Variants in NBEAL2 observed in about 807,000 individuals in gnomAD.
NBEAL2 encodes the protein neurobeachin like 2, also known as neurobeachin-like protein 2.
A neutral mutation model predicts 299.8 loss-of-function variants in NBEAL2; 160 were observed. The ratio of observed to expected loss-of-function variants is 0.53; its 90% CI spans 0.47 to 0.61. The LOEUF (loss-of-function observed/expected upper bound fraction) is 0.61, where lower values mean the gene tolerates loss of function less well. Among genes scored for constraint, NBEAL2 ranks in the 20% least tolerant of loss-of-function variants. The pLI, the probability that NBEAL2 is intolerant of heterozygous loss-of-function variation, is 0.00. For missense variants in NBEAL2, 3,112 were observed against 3,649.0 expected (o/e 0.85, Z 3.79); for synonymous variants, 1,493 against 1,542.3 (o/e 0.97, Z 0.75).
At chr3:46,987,397 T>G (rs1425757875) in intron 1 of NBEAL2, among the ~76,000 whole-genome samples, 1 of 152,190 alleles carries the variant, frequency 6.6e-6, no homozygotes, top group Non-Finnish European at 1.5e-5. Flanking sequence ...GAAGGCTGCC[T>G]TTTGGACTCA....
At chr3:47,002,316 G>A (rs377040724) in intron 31 of NBEAL2, 28 bp downstream of exon 31, 4 of 1,593,752 alleles carry the variant, frequency 2.5e-6, no homozygotes, top group Admixed American at 1.7e-5. Context: ...CCCAGGAAGA[G>A]GAGTGGGGGC....
intron 31 of NBEAL2, 32 bp from the exon 32 acceptor site, chr3:47,002,339 C>T (rs781487626): frequency 1.1e-5 from 18 of 1,608,422 alleles, no homozygotes; most frequent in Admixed American, 3.3e-5. Context: ...GGGCCCACAT[C>T]GAGCACTGTT....
rs2037122914 is a variant in NBEAL2 at position 47,002,776 on chromosome 3, C to T, written c.5433C>T (p.Ala1811=). The T allele has an allele frequency of 6.4e-7, 1 of 1,564,482 alleles. No homozygotes were observed. The change falls in exon 33 of 54, where the codon GCC becomes GCT. Residue 1811 remains alanine (A), a synonymous_variant. Coordinates refer to ENST00000450053, the MANE Select transcript of NBEAL2 (RefSeq NM_015175.3). ...GGGGGGCGCTGTGGCGCCAGCTCGC[C>T]AGCCCATGTGGGGCCTGGGCGCTGA... The part of the protein sequence containing the change: ...LHWGALWRQL[A]SPCGAWALRD...
At chr3:46,999,558 T>C in intron 25 of NBEAL2, 72 bp from the exon 26 acceptor site, 2 of 1,590,840 alleles carry the variant, frequency 1.3e-6, no homozygotes, top group Non-Finnish European at 1.7e-6. Context: ...GATAGTGGCA[T>C]AGGGGCCAGG....
rs2035933865 is a variant in NBEAL2, at chr3:46,989,537, G to A, written c.500G>A (p.Ser167Asn). Reference protein sequence around the residue: ...SGEVISSKEKSKYKFPPAALP... With the variant: ...SGEVISSKEKNKYKFPPAALP... ...GAAGTCATCAGCTCCAAGGAGAAGA[G>A]CAAATACAAGTTCCCTCCTGCTGCT... The change falls in exon 6 of 54, where the codon AGC (serine) becomes AAC (asparagine). Residue 167 changes from serine (S) to asparagine (N), a missense_variant. By Grantham distance (46) the Ser-to-Asn change is conservative (BLOSUM62 1). Around this residue, in one of 3 missense-constraint regions of NBEAL2, gnomAD observed 2,243 missense variants for 2,538.1 expected, o/e 0.88. Transcript: ENST00000450053. This position sits in a 1 kb window ranked among gnomAD's most constrained non-coding sequence, Gnocchi z 5.5. The A allele has an allele frequency of 1.3e-6, 2 of 1,597,306 alleles. No individual in the cohort carries two copies. Among genetic ancestry groups the A allele is most frequent in the East Asian group, 2.3e-5 (1 of 44,006 alleles).
chr3:46,986,380 T>A (rs1472907231), intron 1 of NBEAL2, among the ~76,000 whole-genome samples: 1 of 151,944 alleles, frequency 6.6e-6, no homozygotes, highest in African/African-American at 2.4e-5. Context: ...AAAGCCCAAG[T>A]CACACAAGGC....
rs946100525 is a variant in NBEAL2, at chr3:47,004,160, G to A, written c.5965G>A (p.Glu1989Lys). The A allele has an allele frequency of 6.2e-7, 1 of 1,613,762 alleles. No individual in the cohort carries two copies. Among genetic ancestry groups the A allele is most frequent in the Admixed American group, 1.7e-5 (1 of 60,004 alleles). Residue 1989 changes from glutamate to lysine, a missense_variant, in exon 37 of 54, where the codon GAG becomes AAG. Coordinates refer to ENST00000450053, the MANE Select transcript of NBEAL2 (RefSeq NM_015175.3). The surrounding 1 kb of genome is among the most constrained non-coding windows in gnomAD (Gnocchi z 5.0). ...TTTCAACCTGCGCCGTTCAGCACTT[G>A]AGCTCTTCTTTATCGATCAGGCCAA... ...RRFNLRRSALELFFIDQANYF... is the reference protein window; with the variant it reads ...RRFNLRRSALKLFFIDQANYF...
chr3:47,002,701 G>C lies in NBEAL2; in HGVS notation c.5358G>C (p.Thr1786=). The stretch of plus-strand genomic sequence containing the variant: ...CGCGCCTGGAGGGGCTACGCTACAC[G>C]GCAGTGCTGAAGCAGCAGGCAACGC... ...RRARLEGLRY[T]AVLKQQATQH... The change falls in exon 33 of 54, where the codon ACG becomes ACC. Residue 1786 remains threonine (T), a synonymous_variant. Coordinates refer to ENST00000450053, the MANE Select transcript of NBEAL2 (RefSeq NM_015175.3). 3.1e-6 allele frequency: 5 copies of C among 1,602,474 alleles called. No homozygotes were observed. The highest frequency in any genetic ancestry group is 4.2e-6 in the Non-Finnish European group (5 of 1,176,566).
At position 46,996,741 on chromosome 3, in the gene NBEAL2, C is replaced by A. The variant is rs2036532900; in HGVS notation, c.2474-10C>A. The stretch of plus-strand genomic sequence containing the variant: ...CTAGCAAGGTCTGAAGCCCCCTGCC[C>A]ACCTCCCAGGGCCCAATGAGACGGC... On this transcript the variant is annotated splice_polypyrimidine_tract_variant and intron_variant, in intron 16 of 53. Coordinates refer to ENST00000450053, the MANE Select transcript of NBEAL2 (RefSeq NM_015175.3). The A allele has an allele frequency of 6.2e-7, 1 of 1,610,620 alleles. No individual in the cohort carries two copies.
In NBEAL2 at chr3:47,009,348, CG is replaced by C. The variant is rs768610019; in HGVS notation, c.*29del. On this transcript the variant is annotated 3_prime_UTR_variant, in exon 54 of 54. Transcript: ENST00000450053. ...CTGGCCAGTCCGGCTGCTCGGGCCCCGCCCCCGGCAGGCCTGGCCCGGGAGG... is the reference window on the plus strand; with the variant it reads ...CTGGCCAGTCCGGCTGCTCGGGCCCCCCCCCGGCAGGCCTGGCCCGGGAGG... 17 of 1,558,284 alleles carry C rather than the reference CG, an allele frequency of 1.1e-5. No homozygotes were observed. The Admixed American group carries it at 3.2e-4, about 29-fold the overall frequency.
In NBEAL2 at chr3:47,000,595, G is replaced by A. The variant is rs1355606378; in HGVS notation, c.4305+191G>A. Among the ~76,000 whole-genome samples the A allele has an allele frequency of 1.3e-5, 2 of 152,184 alleles. No homozygotes were observed. Among genetic ancestry groups the A allele is most frequent in the Admixed American group, 1.3e-4 (2 of 15,288 alleles). On this transcript the variant is annotated intron_variant, in intron 27 of 53. Transcript: ENST00000450053. The surrounding 1 kb of genome is among the most constrained non-coding windows in gnomAD (Gnocchi z 4.5). Reference sequence around the variant, plus strand: ...GTTCCCAGAGGGCTCCTGGAACAGGGTGAGTCATGATGAGCCACAGTGGGT... The same window carrying A: ...GTTCCCAGAGGGCTCCTGGAACAGGATGAGTCATGATGAGCCACAGTGGGT...
rs377158393 is a variant in NBEAL2, at chr3:47,001,609, G to A, written c.4645-80G>A. Reference sequence around the variant, plus strand: ...GCACAAACCCTACCTGGCCCCCAGCGCAAACTTTACTTTGCTCCCTTTCCA... The same window carrying A: ...GCACAAACCCTACCTGGCCCCCAGCACAAACTTTACTTTGCTCCCTTTCCA... On this transcript the variant is annotated intron_variant, in intron 29 of 53. Transcript: ENST00000450053. The surrounding 1 kb of genome is among the most constrained non-coding windows in gnomAD (Gnocchi z 6.1). 23 of 1,586,020 alleles carry A rather than the reference G, an allele frequency of 1.5e-5. No individual in the cohort carries two copies. Among genetic ancestry groups the A allele is most frequent in the African/African-American group, 2.7e-5 (2 of 74,474 alleles).
At position 47,007,677 on chromosome 3, in the gene NBEAL2, G is replaced by A; in HGVS notation, c.7487G>A (p.Ser2496Asn). The A allele has an allele frequency of 1.9e-6, 3 of 1,609,244 alleles. No individual in the cohort carries two copies. The highest frequency in any genetic ancestry group is 2.2e-5 in the East Asian group (1 of 44,696). ...GCACTACCCCGTGGCAAGCTGTTGA[G>A]CCAGCTCAGCTGCCACCTTGGTATG... ...VTALPRGKLL[S>N]QLSCHLDVVT... The change falls in exon 48 of 54, where the codon AGC becomes AAC. Residue 2496 changes from serine (S) to asparagine (N), a missense_variant. Ser to Asn is a conservative substitution (Grantham distance 46). Around this residue, in one of 3 missense-constraint regions of NBEAL2, gnomAD observed 348 missense variants for 381.4 expected, o/e 0.91. Coordinates refer to ENST00000450053, the MANE Select transcript of NBEAL2 (RefSeq NM_015175.3).
rs932810599 is a variant in NBEAL2 at position 47,009,523 on chromosome 3, C to A, written c.*203C>A. The stretch of plus-strand genomic sequence containing the variant: ...TCCCGCCCCTCGCCGGCTGAGGGGC[C>A]GCCCTGAGGGCCAGCACTGGCGTCT... On this transcript the variant is annotated 3_prime_UTR_variant, in exon 54 of 54. Coordinates refer to ENST00000450053, the MANE Select transcript of NBEAL2 (RefSeq NM_015175.3). The A allele has an allele frequency of 2.0e-5, 12 of 597,254 alleles. No homozygotes were observed. Among genetic ancestry groups the A allele is most frequent in the African/African-American group, 1.9e-4 (10 of 51,550 alleles). The allele number at this position is 597,254 out of a possible 1,614,324, so 37.0% of individuals were successfully genotyped here.
intron 9 of NBEAL2, among the ~76,000 whole-genome samples, 172 bp from the exon 10 acceptor site, chr3:46,992,303 T>TC (rs1312292763): frequency 1.3e-5 from 2 of 151,986 alleles, no homozygotes; most frequent in African/African-American, 2.4e-5. Flanking sequence ...CACCCGCTCA[T>TC]CCCCCCGACT....
At chr3:46,998,928 C>T (rs1407372322) in intron 23 of NBEAL2, 31 bp from the exon 24 acceptor site, 5 of 1,600,672 alleles carry the variant, frequency 3.1e-6, no homozygotes, top group Non-Finnish European at 4.3e-6. Flanking sequence ...GGAGTGGGGG[C>T]CCGACACAGT....
chr3:46,998,988 C>G lies in NBEAL2; in HGVS notation c.3414C>G (p.Ala1138=). The change falls in exon 24 of 54, where the codon GCC becomes GCG. Residue 1138 remains alanine (A), a synonymous_variant. Transcript: ENST00000450053. Reference sequence around the variant, plus strand: ...TGGGTGCGCTGGACCTGCTGCTGGCCCTGCTGCACGGTTCCCTGGTGCAGG... The same window carrying G: ...TGGGTGCGCTGGACCTGCTGCTGGCGCTGCTGCACGGTTCCCTGGTGCAGG... ...QAVGALDLLL[A]LLHGSLVQES... is the part of the protein sequence containing the mutation. The G allele has an allele frequency of 6.2e-7, 1 of 1,607,638 alleles. No homozygotes were observed. Among genetic ancestry groups the G allele is most frequent in the Non-Finnish European group, 8.5e-7 (1 of 1,177,312 alleles).
chr3:47,005,846 T>C lies in NBEAL2; in HGVS notation c.6800T>C (p.Leu2267Pro). The change falls in exon 42 of 54, where the codon CTG (leucine) becomes CCG (proline). Residue 2267 changes from leucine to proline, a missense_variant and splice_region_variant. Around this residue, in one of 3 missense-constraint regions of NBEAL2, gnomAD observed 521 missense variants for 729.6 expected, o/e 0.71. Transcript: ENST00000450053. Reference protein sequence around the residue: ...EDFIQQHRQALESEYVSAHLH... With the variant: ...EDFIQQHRQAPESEYVSAHLH... ...TTCATCCAGCAGCACCGCCAGGCTC[T>C]GGTGAGGAAGGAACCACAGGCAAAC... The C allele has an allele frequency of 6.2e-7, 1 of 1,613,228 alleles. No individual in the cohort carries two copies. The highest frequency in any genetic ancestry group is 8.5e-7 in the Non-Finnish European group (1 of 1,179,682).
rs1365326222 is a variant in NBEAL2 at position 46,999,643 on chromosome 3, C to T, written c.3717C>T (p.Leu1239=). 6.2e-7 allele frequency: 1 copy of T among 1,612,730 alleles called. No individual in the cohort carries two copies. Among genetic ancestry groups the T allele is most frequent in the Admixed American group, 1.7e-5 (1 of 59,984 alleles). The part of the protein sequence containing the change: ...KLFLGADCLN[L]SDLLAVVQLS... The stretch of plus-strand genomic sequence containing the variant: ...CCATCCCCCCAGATTGCCTGAACCT[C>T]TCAGATCTGCTGGCTGTGGTACAGC... Residue 1239 remains leucine (L), a synonymous_variant, in exon 26 of 54, where the codon CTC becomes CTT. Transcript: ENST00000450053.
Sources: allele counts gnomAD v4.1 joint callset (sites outside exome capture counted in the v4.1 genomes callset), GRCh38; gene constraint gnomAD v4.1.1; regional missense constraint gnomAD v4.1.1; non-coding constraint Gnocchi (gnomAD v3.1); transcripts MANE v1.5; gene names NCBI Gene and HGNC (gene_info 2026-07-23, HGNC 2026-07-21).